The following HKDC1 variants were observed in gnomAD, a reference collection of about 807,000 sequenced individuals.
HKDC1 encodes the protein hexokinase domain containing 1.
In HKDC1, 66 loss-of-function variants were observed where a neutral mutation model predicts 96.6. The ratio of observed to expected loss-of-function variants is 0.68; its 90% CI spans 0.56 to 0.84. The LOEUF (loss-of-function observed/expected upper bound fraction) is 0.84. Among genes scored for constraint, HKDC1 ranks in the 40% least tolerant of loss-of-function variants. HKDC1 has a pLI of 0.00. For synonymous variants in HKDC1, 466 were observed against 473.1 expected, an observed-to-expected ratio of 0.98 and a Z score of 0.20; for missense variants, 1,211 against 1,208.1, an observed-to-expected ratio of 1.00 and a Z score of -0.04.
chr10:69,246,947 C>T (rs889918704), intron 8 of HKDC1, among the ~76,000 whole-genome samples: 1 of 152,228 alleles, frequency 6.6e-6, no homozygotes, highest in Non-Finnish European at 1.5e-5. Context: ...ACAGAATTTC[C>T]GTGAAAGTCA....
chr10:69,240,926 C>A (rs1477046242), intron 6 of HKDC1, among the ~76,000 whole-genome samples, 175 bp downstream of exon 6: 1 of 152,074 alleles, frequency 6.6e-6, no homozygotes, highest in African/African-American at 2.4e-5. Context: ...TACTGAGCAC[C>A]CATTGTGTGC....
Position 69,266,825 on chromosome 10 carries a change from T to G in HKDC1, c.*68T>G. On this transcript the variant is annotated 3_prime_UTR_variant, in exon 18 of 18. Transcript: ENST00000354624. ...GCTTTTCCTCTGGCAGATCAGTTGG[T>G]CAGAGACCAATGGGCACCCTCCTGG... The G allele has an allele frequency of 6.6e-7, 1 of 1,525,658 alleles. No homozygotes were observed. Among genetic ancestry groups the G allele is most frequent in the Non-Finnish European group, 8.9e-7 (1 of 1,128,080 alleles). 94.5% of individuals were successfully genotyped at this position (1,525,658 alleles called of 1,614,324 possible). A position where few individuals can be genotyped will look rare whatever the true frequency, so the allele number is the denominator to read the frequency against.
At chr10:69,257,884 C>T (rs1843744626) in intron 14 of HKDC1, among the ~76,000 whole-genome samples, 1 of 152,016 alleles carries the variant, frequency 6.6e-6, no homozygotes, top group Non-Finnish European at 1.5e-5. Flanking sequence ...TTTTAGGGGT[C>T]TTTGGGAGAA....
chr10:69,220,382 T>G lies in HKDC1; in HGVS notation c.-54T>G. 7.0e-7 allele frequency: 1 copy of G among 1,419,132 alleles called. No individual in the cohort carries two copies. The highest frequency in any genetic ancestry group is 1.4e-5 in the African/African-American group (1 of 69,178). The allele number at this position is 1,419,132 out of a possible 1,614,324, so 87.9% of individuals were successfully genotyped here. On this transcript the variant is annotated 5_prime_UTR_variant, in exon 1 of 18. Transcript: ENST00000354624. ...GTGCAACACTCCAGAGTCGTAGGAG[T>G]GAACACTGCACAGGAATCTCTGCCC...
At position 69,248,659 on chromosome 10, in the gene HKDC1, A is replaced by T. The variant is rs1380176374; in HGVS notation, c.1501A>T (p.Lys501Ter). Residue 501 changes from lysine (K) to a stop codon, truncating the protein, a stop_gained, in exon 10 of 18, where the codon AAG becomes TAG. Transcript: ENST00000354624. LOFTEE classifies it high-confidence loss of function. ...MRAELEYGLK[K>*]KSHGLATVRM... Reference sequence around the variant, plus strand: ...GGCTGAGCTGGAGTATGGGCTGAAGAAGAAGAGCCACGGGCTGGCCACGGT... The same window carrying T: ...GGCTGAGCTGGAGTATGGGCTGAAGTAGAAGAGCCACGGGCTGGCCACGGT... 4.3e-6 allele frequency: 7 copies of T among 1,614,052 alleles called. No individual in the cohort carries two copies. Among genetic ancestry groups the T allele is most frequent in the Non-Finnish European group, 5.9e-6 (7 of 1,180,028 alleles).
chr10:69,267,178 T>C lies in HKDC1; in HGVS notation c.*421T>C, dbSNP rs1843916392. ...CTTATAGGGGATTGGACCCTGTACT[T>C]GTGGATGAACATTGGAGAGCAAGAG... On this transcript the variant is annotated 3_prime_UTR_variant, in exon 18 of 18. Coordinates refer to ENST00000354624, the MANE Select transcript of HKDC1 (RefSeq NM_025130.4). 3.9e-6 allele frequency: 1 copy of C among 257,064 alleles called. No homozygotes were observed. The allele number at this position is 257,064 out of a possible 1,614,324, so 15.9% of individuals were successfully genotyped here. A position where few individuals can be genotyped will look rare whatever the true frequency, so the allele number is the denominator to read the frequency against.
At chr10:69,259,629 T>A (rs1843775938) in intron 15 of HKDC1, among the ~76,000 whole-genome samples, 1 of 151,914 alleles carries the variant, frequency 6.6e-6, no homozygotes, top group Non-Finnish European at 1.5e-5. Flanking sequence ...AGAAAAGAGG[T>A]TTAATTGGCT....
intron 2 of HKDC1, chr10:69,232,545 A>C: frequency 1.8e-6 from 1 of 571,220 alleles, no homozygotes; most frequent in Admixed American, 3.1e-5. Context: ...GGTTGGGCTC[A>C]GGCTGCAGAG....
rs1332258408 is a variant in HKDC1, at chr10:69,266,714, C to A, written c.2711C>A (p.Thr904Asn). 1 of 1,614,116 alleles carries A rather than the reference C, an allele frequency of 6.2e-7. No individual in the cohort carries two copies. The highest frequency in any genetic ancestry group is 8.5e-7 in the Non-Finnish European group (1 of 1,179,990). The change falls in exon 18 of 18, where the codon ACT becomes AAT. Residue 904 changes from threonine (T) to asparagine (N), a missense_variant. Physicochemically the swap from Thr to Asn is moderately conservative, Grantham distance 65. Transcript: ENST00000354624. ...AGTGGAAAAGGGGCAGCACTGATCA[C>A]TGCTGTGGCCAAGAGGTTACAGCAG... ...DGSGKGAALI[T>N]AVAKRLQQAQ...
At chr10:69,246,262 G>T in intron 8 of HKDC1, 28 bp downstream of exon 8, 1 of 1,609,432 alleles carries the variant, frequency 6.2e-7, no homozygotes, top group Non-Finnish European at 8.5e-7. Context: ...CCTTGGCTCT[G>T]TGGAGGGCTG....
Position 69,232,868 on chromosome 10 carries a change from T to C in HKDC1, c.331T>C (p.Phe111Leu). 1 of 1,613,946 alleles carries C rather than the reference T, an allele frequency of 6.2e-7. No homozygotes were observed. Among genetic ancestry groups the C allele is most frequent in the Non-Finnish European group, 8.5e-7 (1 of 1,180,020 alleles). ...GCGACACGTGCAGATGGAGAGTCAG[T>C]TCTACCCAACGCCCAATGAAATCAT... ...GKRHVQMESQ[F>L]YPTPNEIIRG... Residue 111 changes from phenylalanine (F) to leucine (L), a missense_variant, in exon 3 of 18, where the codon TTC becomes CTC. Transcript: ENST00000354624.
chr10:69,255,424 C>G (rs60112356), intron 12 of HKDC1, among the ~76,000 whole-genome samples: 1 of 152,126 alleles, frequency 6.6e-6, no homozygotes, highest in South Asian at 2.1e-4. Context: ...CAGGGTGAGG[C>G]GGCATCCAGC....
chr10:69,223,352 T>G (rs527237084), intron 1 of HKDC1: 1 of 152,340 alleles, frequency 6.6e-6, no homozygotes, highest in East Asian at 1.9e-4. Flanking sequence ...TCCTGTATGT[T>G]TTTAGTTATG....
chr10:69,227,107 A>T, intron 1 of HKDC1, 100 bp from the exon 2 acceptor site: 1 of 1,318,222 alleles, frequency 7.6e-7, no homozygotes, highest in African/African-American at 1.4e-5. Context: ...CTGTCCCCAG[A>T]GTCAGGAATG....
At position 69,256,923 on chromosome 10, in the gene HKDC1, CA is replaced by C. The variant is rs1292828281; in HGVS notation, c.1837-112del. 3.4e-5 allele frequency: 26 copies of C among 773,058 alleles called. 1 individual carries two copies. The highest frequency in any genetic ancestry group is 5.2e-5 in the Non-Finnish European group (23 of 440,256). 47.9% of individuals were successfully genotyped at this position (773,058 alleles called of 1,614,324 possible). On this transcript the variant is annotated intron_variant, in intron 12 of 17. Transcript: ENST00000354624. The stretch of plus-strand genomic sequence containing the variant: ...GTGGAGGTGGAGGCATAGTCAAAAG[CA>C]CACGTACTTGACAAGCAGCCAGCTA...
At chr10:69,226,914 T>G (rs1046411602) in intron 1 of HKDC1, among the ~76,000 whole-genome samples, 1 of 152,190 alleles carries the variant, frequency 6.6e-6, no homozygotes, top group Non-Finnish European at 1.5e-5. Flanking sequence ...CTTCTTAGTT[T>G]CTGCCTCTCC....
chr10:69,226,932 C>T (rs1445335316), intron 1 of HKDC1, among the ~76,000 whole-genome samples: 1 of 152,174 alleles, frequency 6.6e-6, no homozygotes, highest in South Asian at 2.1e-4. Flanking sequence ...TCCCTTGTCT[C>T]ATCAGAATAA....
intron 14 of HKDC1, among the ~76,000 whole-genome samples, chr10:69,257,895 G>A (rs1172902290): frequency 6.6e-6 from 1 of 152,176 alleles, no homozygotes; most frequent in Non-Finnish European, 1.5e-5. Flanking sequence ...TTTGGGAGAA[G>A]TCTGGCAGTG....
intron 13 of HKDC1, 92 bp from the exon 14 acceptor site, chr10:69,257,235 C>A: frequency 6.9e-7 from 1 of 1,445,936 alleles, no homozygotes; most frequent in Non-Finnish European, 9.7e-7. Context: ...CTCTGTCTGC[C>A]TTGGGATAAC....
Sources: gnomAD v4.1 joint callset for allele counts (sites outside exome capture counted in the v4.1 genomes callset) on GRCh38, gnomAD v4.1.1 for gene constraint, MANE v1.5 for transcripts, NCBI Gene and HGNC (gene_info 2026-07-23, HGNC 2026-07-21) for gene names.